The following PCCA variants were observed in gnomAD, a reference collection of about 807,000 sequenced individuals.
PCCA encodes the protein propionyl-CoA carboxylase subunit alpha.
Under a neutral mutation model 101.3 loss-of-function variants are expected in PCCA, and 74 were observed. That is an observed-to-expected ratio of 0.73 (90% CI 0.61 to 0.89). The LOEUF is 0.89. PCCA is among the 40% of genes least tolerant of loss of function. PCCA has a pLI of 0.00. For missense variants in PCCA, 891 were observed against 907.0 expected, an observed-to-expected ratio of 0.98 and a Z score of 0.23; for synonymous variants, 294 against 313.6, an observed-to-expected ratio of 0.94 and a Z score of 0.66.
rs911363364 is a variant in PCCA, at chr13:100,385,984, G to A, written c.1746+17410G>A. On this transcript the variant is annotated intron_variant, in intron 19 of 23. Coordinates refer to ENST00000376285, the MANE Select transcript of PCCA (RefSeq NM_000282.4). ...ATAAATGGATATAACAACCTCCATG[G>A]AGAGCAATTTGACAAAATGAATTTA... is the stretch of plus-strand genomic sequence containing the variant. 1.1e-4 allele frequency among the ~76,000 whole-genome samples: 17 copies of A among 152,202 alleles called. 1 individual carries two copies. The highest frequency in any genetic ancestry group is 1.1e-3 in the Admixed American group (17 of 15,276).
chr13:100,323,475 G>T (rs920385656), intron 16 of PCCA, among the ~76,000 whole-genome samples: 1 of 152,030 alleles, frequency 6.6e-6, no homozygotes, highest in African/African-American at 2.4e-5. Context: ...CTGCCACCAC[G>T]CCTGGCTAAT....
chr13:100,506,175 C>T (rs2086061128), intron 21 of PCCA, among the ~76,000 whole-genome samples: 1 of 152,050 alleles, frequency 6.6e-6, no homozygotes, highest in Non-Finnish European at 1.5e-5. Context: ...GCCACATCGC[C>T]CTGTCTCCCG....
chr13:100,452,218 T>C (rs1407375297), intron 21 of PCCA, among the ~76,000 whole-genome samples: 2 of 150,598 alleles, frequency 1.3e-5, no homozygotes, highest in African/African-American at 4.9e-5. Flanking sequence ...TCTCTCTCCT[T>C]TTCTCTTTTC....
At position 100,261,375 on chromosome 13, in the gene PCCA, C is replaced by CT. The variant is rs759988465; in HGVS notation, c.717-1344dup. Among the ~76,000 whole-genome samples the CT allele has an allele frequency of 5.5e-3, 797 of 145,696 alleles. 10 individuals are homozygous for CT. The highest frequency in any genetic ancestry group is 0.017 in the African/African-American group (677 of 39,828). On this transcript the variant is annotated intron_variant, in intron 9 of 23. Coordinates refer to ENST00000376285, the MANE Select transcript of PCCA (RefSeq NM_000282.4). ...TTTTTTTTTAATTGTTTTTTCTTTT[C>CT]TTTTTTTTTTGAGATGGAGTCTCAC... is the stretch of plus-strand genomic sequence containing the variant.
At chr13:100,471,245 G>A (rs1745807) in intron 21 of PCCA, among the ~76,000 whole-genome samples, 35,990 of 152,060 alleles carry the variant, frequency 0.24, 4,375 homozygotes, top group Non-Finnish European at 0.25. Context: ...CACACACAAC[G>A]TTTATTATAG....
At chr13:100,494,154 A>C (rs184590169) in intron 21 of PCCA, among the ~76,000 whole-genome samples, 1 of 152,058 alleles carries the variant, frequency 6.6e-6, no homozygotes, top group African/African-American at 2.4e-5. Flanking sequence ...ATGCCACTGT[A>C]CTCCAGCCTG....
At chr13:100,388,795 TA>T (rs1282581081) in intron 19 of PCCA, among the ~76,000 whole-genome samples, 1 of 152,140 alleles carries the variant, frequency 6.6e-6, no homozygotes, top group Non-Finnish European at 1.5e-5. Context: ...AACTCCGTCT[TA>T]AAAAATAAAA....
In PCCA at chr13:100,292,964, T is replaced by TG. The variant is rs1265494699; in HGVS notation, c.1066-8496_1066-8495insG. 3.8e-3 allele frequency among the ~76,000 whole-genome samples: 572 copies of TG among 151,984 alleles called. 5 individuals are homozygous for TG. The highest frequency in any genetic ancestry group is 0.012 in the African/African-American group (514 of 41,452). ...GTGTGTGTGTGTGTGTGTGTGTCTG[T>TG]TTGTGTGTGTGTAATTAATAATTTC... On this transcript the variant is annotated intron_variant, in intron 12 of 23. Coordinates refer to ENST00000376285, the MANE Select transcript of PCCA (RefSeq NM_000282.4).
chr13:100,529,398 C>T (rs142660059), intron 23 of PCCA, among the ~76,000 whole-genome samples: 2 of 152,288 alleles, frequency 1.3e-5, no homozygotes, highest in East Asian at 3.9e-4. Context: ...CAAGCAAGAG[C>T]CTCCAAGAAG....
intron 21 of PCCA, among the ~76,000 whole-genome samples, chr13:100,510,845 C>T (rs917618102): frequency 1.3e-5 from 2 of 152,218 alleles, no homozygotes; most frequent in African/African-American, 4.8e-5. Context: ...ACAGGCTGCT[C>T]CAGCGACTGC....
intron 21 of PCCA, among the ~76,000 whole-genome samples, chr13:100,473,713 G>A (rs557368770): frequency 6.6e-6 from 1 of 152,302 alleles, no homozygotes; most frequent in African/African-American, 2.4e-5. Context: ...AGCCTGCTCC[G>A]AGAGTGATTG....
chr13:100,460,195 T>C (rs780581729), intron 21 of PCCA, among the ~76,000 whole-genome samples: 1 of 152,238 alleles, frequency 6.6e-6, no homozygotes, highest in African/African-American at 2.4e-5. Context: ...GTACATCAGA[T>C]AGTGTAAGCT....
At chr13:100,298,186 A>G (rs1295185448) in intron 12 of PCCA, among the ~76,000 whole-genome samples, 1 of 152,164 alleles carries the variant, frequency 6.6e-6, no homozygotes, top group Non-Finnish European at 1.5e-5. Flanking sequence ...GAGTAACAAT[A>G]AGGGAATTCC....
At chr13:100,440,319 C>G (rs2080277996) in intron 20 of PCCA, among the ~76,000 whole-genome samples, 1 of 150,286 alleles carries the variant, frequency 6.7e-6, no homozygotes, top group African/African-American at 2.4e-5. Flanking sequence ...GTGAAACTAT[C>G]TGTAGTATAT....
At chr13:100,306,233 G>C (rs2066436957) in intron 14 of PCCA, among the ~76,000 whole-genome samples, 1 of 152,202 alleles carries the variant, frequency 6.6e-6, no homozygotes, top group South Asian at 2.1e-4. Flanking sequence ...ACAGGTGGAA[G>C]GCTACGTGAG....
intron 16 of PCCA, among the ~76,000 whole-genome samples, chr13:100,319,626 G>A (rs886587422): frequency 6.6e-6 from 1 of 152,152 alleles, no homozygotes; most frequent in African/African-American, 2.4e-5. Flanking sequence ...TGTCAGGTTT[G>A]TCAAAGATCA....
intron 8 of PCCA, among the ~76,000 whole-genome samples, chr13:100,248,766 G>A (rs1324705972): frequency 6.6e-6 from 1 of 151,454 alleles, no homozygotes; most frequent in Admixed American, 6.6e-5. Context: ...TTTTTTTTGA[G>A]ATGGAGTCTC....
chr13:100,157,902 A>G (rs1354838502), intron 6 of PCCA, among the ~76,000 whole-genome samples: 1 of 152,208 alleles, frequency 6.6e-6, no homozygotes, highest in East Asian at 1.9e-4. Context: ...TTGTTATTAG[A>G]TCAATTATGC....
chr13:100,118,466 A>G (rs1693402359), intron 4 of PCCA, among the ~76,000 whole-genome samples: 2 of 151,956 alleles, frequency 1.3e-5, no homozygotes, highest in African/African-American at 4.8e-5. Context: ...GCTTTTAGAT[A>G]TTTTGGCTTT....
Sources: allele counts gnomAD v4.1 joint callset (sites outside exome capture counted in the v4.1 genomes callset), GRCh38; gene constraint gnomAD v4.1.1; transcripts MANE v1.5; gene names NCBI Gene and HGNC (gene_info 2026-07-23, HGNC 2026-07-21).